The following RYR3 variants were observed in gnomAD, a reference collection of about 807,000 sequenced individuals.
RYR3 encodes the protein brain ryanodine receptor-calcium release channel.
In RYR3, 207 loss-of-function variants were observed where a neutral mutation model predicts 584.3. The observed-to-expected ratio is 0.35, with a 90% CI of 0.32 to 0.40. The LOEUF (loss-of-function observed/expected upper bound fraction) is 0.40. RYR3 is among the 10% of genes least tolerant of loss of function. RYR3 has a pLI of 1.00. For missense variants in RYR3, 5,616 were observed against 6,089.2 expected, an observed-to-expected ratio of 0.92 and a Z score of 2.59; for synonymous variants, 2,416 against 2,248.5, an observed-to-expected ratio of 1.07 and a Z score of -2.11.
intron 1 of RYR3, among the ~76,000 whole-genome samples, chr15:33,355,796 T>C (rs1973889556): frequency 6.6e-6 from 1 of 152,196 alleles, no homozygotes; most frequent in South Asian, 2.1e-4. Context: ...ATATTCATCT[T>C]GGGTGGAGAG....
chr15:33,340,769 A>C (rs903534753), intron 1 of RYR3, among the ~76,000 whole-genome samples: 14 of 152,152 alleles, frequency 9.2e-5, no homozygotes, highest in African/African-American at 3.4e-4. Context: ...ATAGAGTCAC[A>C]TTTCGGGTTA....
intron 103 of RYR3, 140 bp downstream of exon 103, chr15:33,864,329 C>T: frequency 1.5e-6 from 1 of 645,194 alleles, no homozygotes; most frequent in Non-Finnish European, 2.6e-6. Flanking sequence ...TTTTGTGACT[C>T]AATAAGAAGC....
At chr15:33,761,411 A>AGG (rs907381137) in intron 60 of RYR3, among the ~76,000 whole-genome samples, 5 of 152,230 alleles carry the variant, frequency 3.3e-5, no homozygotes, top group Non-Finnish European at 7.3e-5. Context: ...AAAATGATAA[A>AGG]GGGGATATCA....
chr15:33,568,637 C>T (rs2057849082), intron 12 of RYR3, among the ~76,000 whole-genome samples: 1 of 152,102 alleles, frequency 6.6e-6, no homozygotes, highest in Non-Finnish European at 1.5e-5. Context: ...CACTGTGTTG[C>T]CCAGGCTGGT....
At chr15:33,772,606 A>G (rs1206882151) in intron 63 of RYR3, among the ~76,000 whole-genome samples, 1 of 152,156 alleles carries the variant, frequency 6.6e-6, no homozygotes, top group African/African-American at 2.4e-5. Context: ...CGGAAGACCA[A>G]AGTTGGTTGG....
intron 102 of RYR3, among the ~76,000 whole-genome samples, chr15:33,861,651 C>G (rs117453671): frequency 0.032 from 4,932 of 152,154 alleles, 157 homozygotes; most frequent in Non-Finnish European, 0.039. Context: ...GCAGGCTTTC[C>G]TCCCACTACA....
chr15:33,648,120 T>C (rs1029880171), intron 30 of RYR3, among the ~76,000 whole-genome samples: 7 of 152,130 alleles, frequency 4.6e-5, no homozygotes, highest in African/African-American at 1.7e-4. Context: ...ATCACTCACT[T>C]AGTCTGTGGG....
chr15:33,600,631 G>A (rs1026620527), intron 16 of RYR3, among the ~76,000 whole-genome samples: 3 of 152,042 alleles, frequency 2.0e-5, no homozygotes, highest in Admixed American at 1.3e-4. Flanking sequence ...TGGGCCACCT[G>A]GGATCTTGAA....
At chr15:33,548,035 C>T in intron 8 of RYR3, 95 bp from the exon 9 acceptor site, 1 of 825,356 alleles carries the variant, frequency 1.2e-6, no homozygotes, top group Non-Finnish European at 2.0e-6. Flanking sequence ...CTTAGACAAG[C>T]TCAGTACCTG....
chr15:33,366,189 G>A (rs1273541580), intron 1 of RYR3, among the ~76,000 whole-genome samples: 2 of 151,766 alleles, frequency 1.3e-5, no homozygotes, highest in African/African-American at 4.8e-5. Context: ...TAGGTAATTG[G>A]CAAATGTGTT....
intron 42 of RYR3, among the ~76,000 whole-genome samples, chr15:33,701,805 A>G (rs550660709): frequency 6.0e-4 from 91 of 152,224 alleles, no homozygotes; most frequent in African/African-American, 2.2e-3. Flanking sequence ...GATGAGTAGA[A>G]GCTGATCAGC....
chr15:33,782,257 G>T (rs1216881597), intron 65 of RYR3, among the ~76,000 whole-genome samples: 2 of 152,100 alleles, frequency 1.3e-5, no homozygotes, highest in Non-Finnish European at 2.9e-5. Context: ...TGGGAGGGAG[G>T]GGAATTAGTC....
At chr15:33,805,450 C>T (rs1022399426) in intron 69 of RYR3, among the ~76,000 whole-genome samples, 3 of 150,480 alleles carry the variant, frequency 2.0e-5, no homozygotes, top group African/African-American at 7.4e-5. Flanking sequence ...TCATTCCCTC[C>T]CCTACCACTT....
rs56312785 is a variant in RYR3 at position 33,596,075 on chromosome 15, CA to C, written c.1789-5334del. On this transcript the variant is annotated intron_variant, in intron 16 of 103. Transcript: ENST00000634891. ...TTATTTCTCTTTAAGTTTTTCACCTCAAAAAAAAAAGCCTCTTTATTTTTAT... is the reference window on the plus strand; with the variant it reads ...TTATTTCTCTTTAAGTTTTTCACCTCAAAAAAAAAGCCTCTTTATTTTTAT... Among the ~76,000 whole-genome samples the C allele has an allele frequency of 2.0e-4, 30 of 146,614 alleles. No homozygotes were observed. The East Asian group carries it at 2.8e-3, about 14-fold the overall frequency.
At chr15:33,691,680 C>T (rs1275673668) in intron 38 of RYR3, among the ~76,000 whole-genome samples, 1 of 152,170 alleles carries the variant, frequency 6.6e-6, no homozygotes, top group African/African-American at 2.4e-5. Context: ...AGCAGAAGTG[C>T]TTTACTTCTT....
In RYR3 at chr15:33,633,111, A is replaced by G. The variant is rs1252279605; in HGVS notation, c.3027+3A>G. On this transcript the variant is annotated splice_donor_region_variant and intron_variant, in intron 24 of 103. Transcript: ENST00000634891. ...GATGGACCTATGGCATCCAACAGGTAAGAAATTCTGGGTCAGGCATGCTGG... is the reference window on the plus strand; with the variant it reads ...GATGGACCTATGGCATCCAACAGGTGAGAAATTCTGGGTCAGGCATGCTGG... The G allele has an allele frequency of 1.2e-6, 2 of 1,611,236 alleles. No individual in the cohort carries two copies. The highest frequency in any genetic ancestry group is 2.2e-5 in the East Asian group (1 of 44,848).
chr15:33,532,973 T>TG (rs2055011909), intron 4 of RYR3, among the ~76,000 whole-genome samples: 1 of 152,048 alleles, frequency 6.6e-6, no homozygotes, highest in Non-Finnish European at 1.5e-5. Context: ...TTTAATTAGC[T>TG]GGGCATGGTG....
At chr15:33,664,470 T>G (rs186582552) in intron 36 of RYR3, among the ~76,000 whole-genome samples, 3 of 151,874 alleles carry the variant, frequency 2.0e-5, no homozygotes, top group Non-Finnish European at 4.4e-5. Context: ...TGACCACTGC[T>G]CCCTAAGTGT....
At chr15:33,819,721 A>AATAG (rs879574824) in intron 76 of RYR3, 35 bp from the exon 77 acceptor site, 2 of 1,166,904 alleles carry the variant, frequency 1.7e-6, no homozygotes, top group Non-Finnish European at 2.3e-6. Context: ...TAAATAAATA[A>AATAG]AAAGCCTGCT....
Sources: gnomAD v4.1 joint callset for allele counts (sites outside exome capture counted in the v4.1 genomes callset) on GRCh38, gnomAD v4.1.1 for gene constraint, MANE v1.5 for transcripts, NCBI Gene and HGNC (gene_info 2026-07-23, HGNC 2026-07-21) for gene names.